NEGR1: variants seen among roughly 807,000 people sequenced by gnomAD.
NEGR1 encodes neuronal growth regulator 1, also known as IgLON family member 4.
Under a neutral mutation model 40.9 loss-of-function variants are expected in NEGR1, and 10 were observed. The observed-to-expected ratio is 0.24, with a 90% CI of 0.15 to 0.42. The LOEUF is 0.42. Among genes scored for constraint, NEGR1 ranks in the 10% least tolerant of loss-of-function variants. The pLI is 1.00. For missense variants in NEGR1, 352 were observed against 438.9 expected (o/e 0.80, Z 1.77); for synonymous variants, 185 against 166.8 (o/e 1.11, Z -0.84).
intron 1 of NEGR1, among the ~76,000 whole-genome samples, chr1:72,134,890 A>G (rs1415491072): frequency 1.3e-5 from 2 of 151,076 alleles, no homozygotes; most frequent in Non-Finnish European, 3.0e-5. Context: ...GGCATGTTCC[A>G]TAACACCCAG....
chr1:71,581,227 G>A (rs1326619952), intron 6 of NEGR1, among the ~76,000 whole-genome samples: 1 of 152,130 alleles, frequency 6.6e-6, no homozygotes, highest in African/African-American at 2.4e-5. Context: ...TGGTGGGAAT[G>A]TTTATACCAT....
chr1:71,454,049 G>C (rs905833792), intron 6 of NEGR1, among the ~76,000 whole-genome samples: 2 of 152,148 alleles, frequency 1.3e-5, no homozygotes, highest in Non-Finnish European at 2.9e-5. Context: ...TAATTCATGA[G>C]CTCACTTTCT....
intron 2 of NEGR1, among the ~76,000 whole-genome samples, chr1:71,806,128 C>G (rs1657761930): frequency 6.6e-6 from 1 of 151,914 alleles, no homozygotes; most frequent in Non-Finnish European, 1.5e-5. Flanking sequence ...TAAACAAAAC[C>G]TTTGCTTTTT....
In NEGR1 at chr1:72,274,862, A is replaced by G. The variant is rs150226892; in HGVS notation, c.176+7457T>C. ...CTCAGCCACCCCATCAAGAACACCA[A>G]TGATGCCAACTCCTGCCAGATCATT... On this transcript the variant is annotated intron_variant, in intron 1 of 6. Transcript: ENST00000357731. 3,627 of 1,591,388 alleles carry G rather than the reference A, an allele frequency of 2.3e-3. 71 individuals carry two copies. In the African/African-American group the frequency reaches 0.044, roughly 19 times the overall value.
chr1:72,252,171 TGTAG>T (rs1655124261), intron 1 of NEGR1, among the ~76,000 whole-genome samples: 24 of 147,938 alleles, frequency 1.6e-4, no homozygotes, highest in African/African-American at 5.3e-4. Flanking sequence ...AATGGGGCGA[TGTAG>T]CTGGGATTAT....
chr1:71,754,447 CTT>C (rs1431638726), intron 3 of NEGR1, among the ~76,000 whole-genome samples: 12 of 152,172 alleles, frequency 7.9e-5, no homozygotes, highest in African/African-American at 2.4e-4. Flanking sequence ...AAAATCCCCT[CTT>C]AAGTTGGGGA....
intron 3 of NEGR1, among the ~76,000 whole-genome samples, chr1:71,743,628 G>A (rs931464): frequency 0.016 from 2,494 of 151,956 alleles, 60 homozygotes; most frequent in African/African-American, 0.057. Flanking sequence ...GTTCTCTCAG[G>A]CTCTCTAATA....
Position 71,927,818 on chromosome 1 carries a change from T to TAAAAAAA in NEGR1, c.409+7254_409+7260dup, listed in dbSNP as rs35429988. Among the ~76,000 whole-genome samples the TAAAAAAA allele has an allele frequency of 1.4e-3, 32 of 22,448 alleles. 5 individuals are homozygous for TAAAAAAA. The highest frequency in any genetic ancestry group is 5.7e-3 in the African/African-American group (29 of 5,096). 14.7% of individuals were successfully genotyped at this position (22,448 alleles called of 152,430 possible). A position where few individuals can be genotyped will look rare whatever the true frequency, so the allele number is the denominator to read the frequency against. ...GGGCAACATGGCAAGACCCAATCTC[T>TAAAAAAA]AAAAAAAAAAAAAAAAAAAAAAAAA... On this transcript the variant is annotated intron_variant, in intron 2 of 6. Transcript: ENST00000357731.
intron 3 of NEGR1, among the ~76,000 whole-genome samples, chr1:71,753,249 G>C (rs1018012158): frequency 1.3e-5 from 2 of 152,156 alleles, no homozygotes; most frequent in Non-Finnish European, 2.9e-5. Flanking sequence ...ACCAAGGATA[G>C]TGAAAGAAGA....
intron 3 of NEGR1, among the ~76,000 whole-genome samples, chr1:71,700,749 A>T (rs1231931814): frequency 6.6e-6 from 1 of 152,072 alleles, no homozygotes; most frequent in East Asian, 1.9e-4. Context: ...AAAGTTATTC[A>T]CATCCTATTC....
At chr1:72,260,315 T>C (rs893043982) in intron 1 of NEGR1, among the ~76,000 whole-genome samples, 2 of 152,104 alleles carry the variant, frequency 1.3e-5, no homozygotes, top group South Asian at 2.1e-4. Flanking sequence ...TCTCTATTGA[T>C]AAGCCCAATT....
At chr1:72,145,663 A>G (rs986513517) in intron 1 of NEGR1, among the ~76,000 whole-genome samples, 12 of 152,092 alleles carry the variant, frequency 7.9e-5, no homozygotes, top group African/African-American at 2.9e-4. Flanking sequence ...TATAAGACAC[A>G]TCTCACAAGA....
At chr1:71,834,174 T>C (rs751256877) in intron 2 of NEGR1, among the ~76,000 whole-genome samples, 2 of 152,092 alleles carry the variant, frequency 1.3e-5, no homozygotes, top group Non-Finnish European at 2.9e-5. Context: ...TGATTCATGG[T>C]TTAAGGATTT....
intron 2 of NEGR1, among the ~76,000 whole-genome samples, chr1:71,800,249 C>T (rs1387251215): frequency 6.6e-6 from 1 of 151,890 alleles, no homozygotes; most frequent in African/African-American, 2.4e-5. Context: ...GGATATTAGC[C>T]CTTTGTCAGA....
intron 6 of NEGR1, among the ~76,000 whole-genome samples, chr1:71,509,334 G>T (rs1267101777): frequency 6.6e-6 from 1 of 152,184 alleles, no homozygotes; most frequent in African/African-American, 2.4e-5. Flanking sequence ...TCAGATCCCA[G>T]AGTAATCCCT....
At chr1:71,859,229 C>T (rs1659870900) in intron 2 of NEGR1, among the ~76,000 whole-genome samples, 1 of 152,014 alleles carries the variant, frequency 6.6e-6, no homozygotes, top group African/African-American at 2.4e-5. Flanking sequence ...ATTGGTCTCT[C>T]TGCTGTTTCC....
At chr1:72,233,893 TAATTTACATTCCCACC>T (rs2100502508) in intron 1 of NEGR1, among the ~76,000 whole-genome samples, 1 of 152,240 alleles carries the variant, frequency 6.6e-6, no homozygotes, top group African/African-American at 2.4e-5. Flanking sequence ...GTGGCTGAAC[TAATTTACATTCCCACC>T]AACTGTGTAT....
Position 71,744,373 on chromosome 1 carries a change from A to AATAATAATT in NEGR1, c.535+31798_535+31799insAATTATTAT, listed in dbSNP as rs1168919276. ...TAATAATAATAATAATAATAATAAT[A>AATAATAATT]ATAAGCCAGGCAGGTTTAAAAACAA... is the stretch of plus-strand genomic sequence containing the variant. On this transcript the variant is annotated intron_variant, in intron 3 of 6. Coordinates refer to ENST00000357731, the MANE Select transcript of NEGR1 (RefSeq NM_173808.3). Among the ~76,000 whole-genome samples the AATAATAATT allele has an allele frequency of 5.4e-5, 8 of 148,144 alleles. No homozygotes were observed. The South Asian group carries it at 1.7e-3, about 31-fold the overall frequency.
At chr1:72,191,867 T>C (rs1336152526) in intron 1 of NEGR1, among the ~76,000 whole-genome samples, 1 of 151,758 alleles carries the variant, frequency 6.6e-6, no homozygotes, top group African/African-American at 2.4e-5. Context: ...GCAGGGACTT[T>C]TAGCACCAGT....
Sources: gnomAD v4.1 joint callset for allele counts (sites outside exome capture counted in the v4.1 genomes callset) on GRCh38, gnomAD v4.1.1 for gene constraint, MANE v1.5 for transcripts, NCBI Gene and HGNC (gene_info 2026-07-23, HGNC 2026-07-21) for gene names.